Variants in DTWD2 observed in about 807,000 individuals in gnomAD.
DTWD2 encodes DTW motif tRNA-uridine aminocarboxypropyltransferase 2.
In DTWD2, 39 loss-of-function variants were observed where a neutral mutation model predicts 31.8. The observed-to-expected ratio is 1.22, with a 90% confidence interval of 0.95 to 1.60. DTWD2 has a LOEUF of 1.60. Ranked by LOEUF, DTWD2 falls within the 40% of genes most tolerant of loss-of-function variation. The probability of loss-of-function intolerance (pLI) is 0.00; values close to 1 mark genes in which losing one functional copy is unlikely to be tolerated. For synonymous variants in DTWD2, 180 were observed against 142.8 expected, an observed-to-expected ratio of 1.26 and a Z score of -1.86; for missense variants, 515 against 381.5, an observed-to-expected ratio of 1.35 and a Z score of -2.92.
intron 3 of DTWD2, among the ~76,000 whole-genome samples, chr5:118,933,408 A>C (rs1406215146): frequency 6.6e-6 from 1 of 152,220 alleles, no homozygotes; most frequent in Non-Finnish European, 1.5e-5. Flanking sequence ...TAAAGGCAAA[A>C]ATTCTCAACA....
rs114112423 is a variant in DTWD2 at position 118,944,107 on chromosome 5, T to C, written c.309+452A>G. 4.5e-3 allele frequency among the ~76,000 whole-genome samples: 682 copies of C among 152,338 alleles called. 10 individuals carry two copies. The highest frequency in any genetic ancestry group is 0.015 in the African/African-American group (642 of 41,586). ...TACATATAACATGCATTATAAAATATACATGTTTCTTCTATTCATCTAAAA... is the reference window on the plus strand; with the variant it reads ...TACATATAACATGCATTATAAAATACACATGTTTCTTCTATTCATCTAAAA... On this transcript the variant is annotated intron_variant, in intron 2 of 5. Transcript: ENST00000510708.
intron 1 of DTWD2, among the ~76,000 whole-genome samples, chr5:118,966,020 G>GC (rs1754839494): frequency 6.6e-6 from 1 of 151,286 alleles, no homozygotes. Flanking sequence ...TTAATTCCTT[G>GC]TTTTTCACTT....
At chr5:118,913,493 T>A (rs1390635363) in intron 4 of DTWD2, among the ~76,000 whole-genome samples, 1 of 149,028 alleles carries the variant, frequency 6.7e-6, no homozygotes, top group Non-Finnish European at 1.5e-5. Flanking sequence ...CATCAGTGAG[T>A]ATGGTCTATA....
intron 5 of DTWD2, among the ~76,000 whole-genome samples, chr5:118,845,442 C>T (rs1751829638): frequency 6.6e-6 from 1 of 152,110 alleles, no homozygotes; most frequent in African/African-American, 2.4e-5. Context: ...TGTGGGGTTC[C>T]CCCACTAAGA....
intron 1 of DTWD2, among the ~76,000 whole-genome samples, chr5:118,977,922 G>A (rs1580453243): frequency 6.6e-6 from 1 of 151,824 alleles, no homozygotes; most frequent in Admixed American, 6.6e-5. Context: ...TACACTACCT[G>A]AGAGGCATTA....
At chr5:118,947,623 T>G (rs1754368918) in intron 1 of DTWD2, among the ~76,000 whole-genome samples, 2 of 152,124 alleles carry the variant, frequency 1.3e-5, no homozygotes, top group Non-Finnish European at 2.9e-5. Flanking sequence ...ACGGGCCATG[T>G]GTGGTTTTGG....
At chr5:118,988,041 G>C in intron 1 of DTWD2, 1 of 703,946 alleles carries the variant, frequency 1.4e-6, no homozygotes, top group Non-Finnish European at 2.6e-6. Context: ...CTTGGAAACA[G>C]AACTGATGTC....
intron 3 of DTWD2, among the ~76,000 whole-genome samples, chr5:118,935,792 G>C (rs947618106): frequency 3.9e-5 from 6 of 152,150 alleles, no homozygotes; most frequent in African/African-American, 1.4e-4. Flanking sequence ...CCTAATCATA[G>C]CTGGAGATTT....
In DTWD2 at chr5:118,839,844, A is replaced by G. The variant is rs1751668993; in HGVS notation, c.*1073T>C. 1 of 152,222 alleles carries G rather than the reference A, an allele frequency of 6.6e-6. No individual in the cohort carries two copies. Among genetic ancestry groups the G allele is most frequent in the African/African-American group, 2.4e-5 (1 of 41,456 alleles). The allele number at this position is 152,222 out of a possible 1,614,324, so 9.4% of individuals were successfully genotyped here. A position where few individuals can be genotyped will look rare whatever the true frequency, so the allele number is the denominator to read the frequency against. ...AATGATCATGAAAACTGTGAGAAAT[A>G]ATCATTGGTGTATGCTCTATAAATA... On this transcript the variant is annotated 3_prime_UTR_variant, in exon 6 of 6. Coordinates refer to ENST00000510708, the MANE Select transcript of DTWD2 (RefSeq NM_173666.4).
At chr5:118,960,100 A>C (rs987869592) in intron 1 of DTWD2, among the ~76,000 whole-genome samples, 1 of 152,170 alleles carries the variant, frequency 6.6e-6, no homozygotes, top group South Asian at 2.1e-4. Flanking sequence ...AATGGGACTT[A>C]ATTAAAAAGT....
At chr5:118,854,406 A>T (rs1404582140) in intron 4 of DTWD2, among the ~76,000 whole-genome samples, 2 of 152,106 alleles carry the variant, frequency 1.3e-5, no homozygotes, top group Non-Finnish European at 2.9e-5. Flanking sequence ...AAATTCAACC[A>T]GAGCAAAACT....
intron 4 of DTWD2, among the ~76,000 whole-genome samples, chr5:118,890,090 T>C (rs1393137248): frequency 6.6e-6 from 1 of 152,220 alleles, no homozygotes; most frequent in Non-Finnish European, 1.5e-5. Context: ...GTTTTGCACA[T>C]ATTATCTCAC....
At chr5:118,896,831 C>A (rs1334606214) in intron 4 of DTWD2, among the ~76,000 whole-genome samples, 1 of 152,142 alleles carries the variant, frequency 6.6e-6, no homozygotes, top group Non-Finnish European at 1.5e-5. Flanking sequence ...GCATTCCAGT[C>A]AATGGACCCA....
At chr5:118,873,215 C>T (rs781281757) in intron 4 of DTWD2, among the ~76,000 whole-genome samples, 3 of 152,204 alleles carry the variant, frequency 2.0e-5, no homozygotes, top group Non-Finnish European at 2.9e-5. Context: ...CAGCCCGGAA[C>T]AGCCATCCCG....
At chr5:118,845,187 G>T (rs1014094277) in intron 5 of DTWD2, among the ~76,000 whole-genome samples, 2 of 151,840 alleles carry the variant, frequency 1.3e-5, no homozygotes, top group Non-Finnish European at 2.9e-5. Context: ...GAAGGAAAGT[G>T]AAGCAAAGAA....
At chr5:118,928,842 C>A (rs943749529) in intron 3 of DTWD2, 113 bp from the exon 4 acceptor site, 10 of 840,084 alleles carry the variant, frequency 1.2e-5, no homozygotes, top group Non-Finnish European at 1.7e-5. Context: ...TTTGTCTAAT[C>A]AAATATAAGT....
At chr5:118,963,933 G>A (rs1279146222) in intron 1 of DTWD2, among the ~76,000 whole-genome samples, 1 of 152,180 alleles carries the variant, frequency 6.6e-6, no homozygotes, top group Non-Finnish European at 1.5e-5. Context: ...TTGCAGGCCA[G>A]GTGCAGTGCT....
At chr5:118,949,441 G>C (rs1401192706) in intron 1 of DTWD2, among the ~76,000 whole-genome samples, 1 of 152,158 alleles carries the variant, frequency 6.6e-6, no homozygotes, top group African/African-American at 2.4e-5. Flanking sequence ...GTACGGGTTG[G>C]GCACTACAGG....
At chr5:118,929,706 T>G (rs1753881949) in intron 3 of DTWD2, among the ~76,000 whole-genome samples, 1 of 152,196 alleles carries the variant, frequency 6.6e-6, no homozygotes, top group Non-Finnish European at 1.5e-5. Flanking sequence ...TTATTTGACA[T>G]ATGTTGACAC....
Sources: gnomAD v4.1 joint callset for allele counts (sites outside exome capture counted in the v4.1 genomes callset) on GRCh38, gnomAD v4.1.1 for gene constraint, MANE v1.5 for transcripts, NCBI Gene and HGNC (gene_info 2026-07-23, HGNC 2026-07-21) for gene names.